TBC1D12: variants seen among roughly 807,000 people sequenced by gnomAD.
TBC1D12 encodes the protein TBC1 domain family member 12.
Under a neutral mutation model 86.7 loss-of-function variants are expected in TBC1D12, and 56 were observed. That is an observed-to-expected ratio of 0.65 (90% CI 0.52 to 0.81). TBC1D12 has a LOEUF of 0.81. Ranked by LOEUF, TBC1D12 falls within the 30% of genes least tolerant of loss-of-function variation. TBC1D12 has a pLI of 0.00. For missense variants in TBC1D12, 1,023 were observed against 1,038.8 expected, an observed-to-expected ratio of 0.98 and a Z score of 0.21; for synonymous variants, 421 against 411.7, an observed-to-expected ratio of 1.02 and a Z score of -0.27.
At position 94,445,486 on chromosome 10, in the gene TBC1D12, C is replaced by A. The variant is rs1336944383; in HGVS notation, c.1095+3467C>A. Among the ~76,000 whole-genome samples the A allele has an allele frequency of 7.9e-5, 12 of 152,280 alleles. No individual in the cohort carries two copies. The South Asian group carries it at 8.3e-4, about 11-fold the overall frequency. ...CTGCCTCTGCGGCCCCTTCTCTGAT[C>A]CTTTAACTGACGATTATTTCTCTGC... On this transcript the variant is annotated intron_variant, in intron 2 of 12. Coordinates refer to ENST00000225235, the MANE Select transcript of TBC1D12 (RefSeq NM_015188.2).
In TBC1D12 at chr10:94,522,466, A is replaced by G; in HGVS notation, c.2000+13A>G. 1.0e-6 allele frequency: 1 copy of G among 999,944 alleles called. No individual in the cohort carries two copies. Among genetic ancestry groups the G allele is most frequent in the Non-Finnish European group, 1.5e-6 (1 of 682,918 alleles). 61.9% of individuals were successfully genotyped at this position (999,944 alleles called of 1,614,324 possible). A position where few individuals can be genotyped will look rare whatever the true frequency, so the allele number is the denominator to read the frequency against. ...ACTTGATAGACTGGTAAGTCATAAC[A>G]TACGTAATATATAATAATGAAAAGG... On this transcript the variant is annotated intron_variant, in intron 11 of 12. Transcript: ENST00000225235.
intron 3 of TBC1D12, among the ~76,000 whole-genome samples, chr10:94,475,721 C>T (rs7068064): frequency 0.025 from 3,786 of 152,288 alleles, 158 homozygotes; most frequent in African/African-American, 0.084. Context: ...CAGGTGTTAG[C>T]CACCATGCCC....
intron 3 of TBC1D12, among the ~76,000 whole-genome samples, chr10:94,475,107 G>A (rs1046208756): frequency 1.3e-5 from 2 of 152,088 alleles, no homozygotes; most frequent in African/African-American, 4.8e-5. Flanking sequence ...TAAGACTTAC[G>A]CATATTTTCT....
At position 94,531,465 on chromosome 10, in the gene TBC1D12, A is replaced by G. The variant is rs185589008; in HGVS notation, c.2259+5A>G. On this transcript the variant is annotated splice_donor_5th_base_variant and intron_variant, in intron 12 of 12. Transcript: ENST00000225235. The stretch of plus-strand genomic sequence containing the variant: ...AGCACCAAAAAATGGACTCAGGTAG[A>G]GTGACATTTTCTTATCTTTAATAGA... The G allele has an allele frequency of 1.7e-5, 28 of 1,604,210 alleles. No individual in the cohort carries two copies. The Admixed American group carries it at 3.2e-4, about 18-fold the overall frequency.
intron 1 of TBC1D12, among the ~76,000 whole-genome samples, chr10:94,435,567 G>T (rs960670382): frequency 6.6e-6 from 1 of 152,062 alleles, no homozygotes; most frequent in Non-Finnish European, 1.5e-5. Flanking sequence ...AAAGTGGTTA[G>T]TGGAGTTCTT....
intron 3 of TBC1D12, among the ~76,000 whole-genome samples, chr10:94,477,452 A>G (rs1435904689): frequency 6.6e-6 from 1 of 152,246 alleles, no homozygotes; most frequent in Admixed American, 6.5e-5. Context: ...GAAACCTTCA[A>G]TTTTATTGAG....
At chr10:94,507,536 A>T (rs1027613506) in intron 7 of TBC1D12, among the ~76,000 whole-genome samples, 189 bp downstream of exon 7, 5 of 152,192 alleles carry the variant, frequency 3.3e-5, no homozygotes, top group Admixed American at 2.6e-4. Flanking sequence ...CCTCTTAGCT[A>T]TGTCAGCTAT....
intron 6 of TBC1D12, among the ~76,000 whole-genome samples, 187 bp downstream of exon 6, chr10:94,500,514 A>C (rs2056381814): frequency 6.6e-6 from 1 of 152,202 alleles, no homozygotes. Flanking sequence ...AAGTTATTAC[A>C]TTTTATATAA....
chr10:94,420,316 C>G (rs2055056811), intron 1 of TBC1D12, among the ~76,000 whole-genome samples: 1 of 152,198 alleles, frequency 6.6e-6, no homozygotes, highest in African/African-American at 2.4e-5. Context: ...TTCTCCATCT[C>G]CAGAACGTTG....
chr10:94,439,101 G>A (rs945662155), intron 1 of TBC1D12, among the ~76,000 whole-genome samples: 6 of 151,972 alleles, frequency 3.9e-5, no homozygotes, highest in African/African-American at 1.5e-4. Context: ...ACCATGCCCC[G>A]CTCCAGTTAC....
intron 11 of TBC1D12, among the ~76,000 whole-genome samples, chr10:94,522,998 T>C (rs1357417666): frequency 1.4e-5 from 2 of 147,086 alleles, no homozygotes; most frequent in East Asian, 2.0e-4. Context: ...TGAGCCAAGA[T>C]TGCGATACTG....
intron 8 of TBC1D12, 25 bp downstream of exon 8, chr10:94,510,204 A>G: frequency 6.7e-7 from 1 of 1,492,060 alleles, no homozygotes; most frequent in Non-Finnish European, 9.0e-7. Flanking sequence ...CCAGCTTGTA[A>G]TTACTTAAAA....
intron 1 of TBC1D12, among the ~76,000 whole-genome samples, chr10:94,422,307 A>T (rs550152646): frequency 6.0e-5 from 9 of 149,100 alleles, no homozygotes; most frequent in African/African-American, 2.2e-4. Flanking sequence ...CTCGTGCCTC[A>T]GCCTCCCAAG....
intron 1 of TBC1D12, among the ~76,000 whole-genome samples, chr10:94,429,516 C>T (rs1237563768): frequency 2.0e-5 from 3 of 151,972 alleles, no homozygotes; most frequent in Admixed American, 6.6e-5. Flanking sequence ...CAAGGGTAAC[C>T]AAAGTACTGA....
intron 2 of TBC1D12, among the ~76,000 whole-genome samples, chr10:94,444,197 A>T (rs2055419245): frequency 6.6e-6 from 1 of 151,470 alleles, no homozygotes; most frequent in Non-Finnish European, 1.5e-5. Flanking sequence ...AGAATGAAAG[A>T]AAACATATTT....
rs967888625 is a variant in TBC1D12 at position 94,459,645 on chromosome 10, G to A, written c.1096-15023G>A. On this transcript the variant is annotated intron_variant, in intron 2 of 12. Coordinates refer to ENST00000225235, the MANE Select transcript of TBC1D12 (RefSeq NM_015188.2). The stretch of plus-strand genomic sequence containing the variant: ...CTGCAGGTCCTGAGCCCTGCCCCGT[G>A]GGGAGGTGGCTGAGGCCCAGCGAGA... Among the ~76,000 whole-genome samples the A allele has an allele frequency of 2.0e-5, 3 of 152,218 alleles. No homozygotes were observed. The East Asian group carries it at 5.8e-4, about 29-fold the overall frequency.
intron 2 of TBC1D12, among the ~76,000 whole-genome samples, chr10:94,457,571 T>G (rs1307049457): frequency 6.6e-6 from 1 of 152,172 alleles, no homozygotes; most frequent in African/African-American, 2.4e-5. Context: ...TGAGCCACCA[T>G]GCTTGGCCTC....
At position 94,403,363 on chromosome 10, in the gene TBC1D12, C is replaced by T. The variant is rs538323881; in HGVS notation, c.750C>T (p.Ala250=). The change falls in exon 1 of 13, where the codon GCC becomes GCT. Residue 250 remains alanine (A), a synonymous_variant. Transcript: ENST00000225235. ...GTCCCGAGGAGGGCGCGCCCCCTGC[C>T]ACCTCGGCCGAGAGGACTAATGGGG... ...AGGPEEGAPP[A]TSAERTNGGA... 2.6e-6 allele frequency: 4 copies of T among 1,528,926 alleles called. No homozygotes were observed. Among genetic ancestry groups the T allele is most frequent in the Admixed American group, 2.0e-5 (1 of 48,996 alleles). The allele number at this position is 1,528,926 out of a possible 1,614,324, so 94.7% of individuals were successfully genotyped here.
At chr10:94,430,684 T>C (rs778003540) in intron 1 of TBC1D12, among the ~76,000 whole-genome samples, 5 of 152,210 alleles carry the variant, frequency 3.3e-5, no homozygotes, top group Non-Finnish European at 7.3e-5. Flanking sequence ...ATTAATAAGC[T>C]AGAGTCATTT....
Sources: allele counts gnomAD v4.1 joint callset (sites outside exome capture counted in the v4.1 genomes callset), GRCh38; gene constraint gnomAD v4.1.1; transcripts MANE v1.5; gene names NCBI Gene and HGNC (gene_info 2026-07-23, HGNC 2026-07-21).